The following NPFFR2 variants were observed in gnomAD, a reference collection of about 807,000 sequenced individuals.
NPFFR2 encodes G-protein coupled receptor 74.
A neutral mutation model predicts 13.1 loss-of-function variants in NPFFR2; 15 were observed. The ratio of observed to expected loss-of-function variants is 1.15; its 90% CI spans 0.77 to 1.76. NPFFR2 has a LOEUF of 1.76. NPFFR2 is among the 40% of genes most tolerant of loss of function. NPFFR2 has a pLI of 0.00. For missense variants in NPFFR2, 572 were observed against 503.5 expected, an observed-to-expected ratio of 1.14 and a Z score of -1.30; for synonymous variants, 190 against 175.7, an observed-to-expected ratio of 1.08 and a Z score of -0.65.
In NPFFR2 at chr4:72,147,444, T is replaced by G. The variant is rs1264491828; in HGVS notation, c.895T>G (p.Tyr299Asp). Residue 299 changes from tyrosine to aspartate, a missense_variant, in exon 4 of 4, where the codon TAC becomes GAC. Coordinates refer to ENST00000308744, the MANE Select transcript of NPFFR2 (RefSeq NM_004885.3). ...PLWTLMMLSD[Y>D]ADLSPNELQI... ...GTGGACTCTAATGATGCTCTCAGAC[T>G]ACGCTGACCTTTCTCCAAATGAACT... is the stretch of plus-strand genomic sequence containing the variant. 6.2e-7 allele frequency: 1 copy of G among 1,614,204 alleles called. No homozygotes were observed. The highest frequency in any genetic ancestry group is 1.7e-5 in the Admixed American group (1 of 60,024).
chr4:72,127,544 T>C, intron 1 of NPFFR2, among the ~76,000 whole-genome samples: 1 of 141,744 alleles, frequency 7.1e-6, no homozygotes. Flanking sequence ...TTTGTATTTT[T>C]AGTAGAGACG....
intron 1 of NPFFR2, among the ~76,000 whole-genome samples, chr4:72,063,023 A>T (rs1719965178): frequency 6.6e-6 from 1 of 152,228 alleles, no homozygotes; most frequent in Non-Finnish European, 1.5e-5. Context: ...AGGTAACTGT[A>T]CATACACAGT....
intron 1 of NPFFR2, among the ~76,000 whole-genome samples, chr4:72,037,403 G>GAA: frequency 1.5e-5 from 2 of 130,194 alleles, no homozygotes; most frequent in South Asian, 4.9e-4. Flanking sequence ...GATCTTGTTT[G>GAA]AAAAAAAAAA....
chr4:72,066,891 G>T (rs1720087254), intron 1 of NPFFR2, among the ~76,000 whole-genome samples: 1 of 152,150 alleles, frequency 6.6e-6, no homozygotes, highest in African/African-American at 2.4e-5. Context: ...CTCCCAGACT[G>T]GCATTCCGCA....
chr4:72,134,616 TTTCA>T (rs2109840244), intron 2 of NPFFR2, among the ~76,000 whole-genome samples: 1 of 152,304 alleles, frequency 6.6e-6, no homozygotes, highest in Admixed American at 6.5e-5. Context: ...ATAAAATGTT[TTTCA>T]TTTTCCTAGA....
chr4:72,040,845 T>C (rs938588855), intron 1 of NPFFR2, among the ~76,000 whole-genome samples: 1 of 151,490 alleles, frequency 6.6e-6, no homozygotes, highest in Non-Finnish European at 1.5e-5. Context: ...TAGGGTTTTA[T>C]TTTTTATGTC....
At chr4:72,127,456 C>T (rs1200288592) in intron 1 of NPFFR2, among the ~76,000 whole-genome samples, 9 of 136,776 alleles carry the variant, frequency 6.6e-5, no homozygotes, top group Non-Finnish European at 1.1e-4. Flanking sequence ...CTCCGCCTCC[C>T]GGGTTCACGC....
chr4:72,144,836 T>G (rs1311235536), intron 3 of NPFFR2, among the ~76,000 whole-genome samples: 1 of 152,246 alleles, frequency 6.6e-6, no homozygotes, highest in African/African-American at 2.4e-5. Flanking sequence ...CTCCAAATTC[T>G]ATTATTTCTG....
chr4:72,089,904 GT>G (rs1241426227), intron 1 of NPFFR2, among the ~76,000 whole-genome samples: 1 of 152,052 alleles, frequency 6.6e-6, no homozygotes, highest in African/African-American at 2.4e-5. Context: ...ATAAGCCAAG[GT>G]CTAGAAGGGT....
At chr4:72,066,075 TC>T (rs1235420206) in intron 1 of NPFFR2, among the ~76,000 whole-genome samples, 2 of 152,190 alleles carry the variant, frequency 1.3e-5, no homozygotes, top group Non-Finnish European at 2.9e-5. Context: ...TTCCCATAGT[TC>T]CGGAGCTTTG....
At chr4:72,127,571 G>T in intron 1 of NPFFR2, among the ~76,000 whole-genome samples, 1 of 148,084 alleles carries the variant, frequency 6.8e-6, no homozygotes, top group African/African-American at 2.5e-5. Flanking sequence ...CACCGTGTTA[G>T]CCAGGATGGT....
At chr4:72,053,570 T>TA (rs999790677) in intron 1 of NPFFR2, among the ~76,000 whole-genome samples, 40 of 152,050 alleles carry the variant, frequency 2.6e-4, no homozygotes, top group African/African-American at 9.2e-4. Context: ...TCAAGTACTT[T>TA]AAAAAAATTT....
intron 1 of NPFFR2, among the ~76,000 whole-genome samples, chr4:72,044,640 T>C (rs1212408679): frequency 6.6e-6 from 1 of 151,832 alleles, no homozygotes; most frequent in Non-Finnish European, 1.5e-5. Flanking sequence ...ATTTTCCTGA[T>C]AATCAGTGAT....
At chr4:72,076,008 G>C (rs200149273) in intron 1 of NPFFR2, among the ~76,000 whole-genome samples, 722 of 7,670 alleles carry the variant, frequency 0.094, 11 homozygotes, top group African/African-American at 0.17. Context: ...CACACACACA[G>C]AGAGAGAGAG....
Position 72,100,401 on chromosome 4 carries a change from T to C in NPFFR2, c.-7-28184T>C, listed in dbSNP as rs546363295. 9.2e-5 allele frequency among the ~76,000 whole-genome samples: 14 copies of C among 152,246 alleles called. No individual in the cohort carries two copies. In the South Asian group the frequency reaches 2.9e-3, roughly 32 times the overall value. On this transcript the variant is annotated intron_variant, in intron 1 of 3. Transcript: ENST00000308744. Reference sequence around the variant, plus strand: ...ACTTTCAGTCTTTTTATTTATAAAATAGGTGTTACAGTACCTGAATTTCAG... The same window carrying C: ...ACTTTCAGTCTTTTTATTTATAAAACAGGTGTTACAGTACCTGAATTTCAG...
chr4:72,085,194 A>G (rs933474889), intron 1 of NPFFR2, among the ~76,000 whole-genome samples: 1 of 152,154 alleles, frequency 6.6e-6, no homozygotes, highest in African/African-American at 2.4e-5. Context: ...TTCAGCCCAT[A>G]TTAGTTTTTT....
chr4:72,036,733 G>C (rs566442025), intron 1 of NPFFR2, among the ~76,000 whole-genome samples: 7 of 151,726 alleles, frequency 4.6e-5, no homozygotes, highest in Non-Finnish European at 5.9e-5. Flanking sequence ...AGAATCTTAA[G>C]TGTTGTCTTG....
intron 1 of NPFFR2, among the ~76,000 whole-genome samples, chr4:72,040,530 G>A (rs1001147736): frequency 7.9e-5 from 12 of 152,100 alleles, no homozygotes; most frequent in African/African-American, 2.9e-4. Flanking sequence ...GATTATATTT[G>A]CCATAGATTA....
intron 1 of NPFFR2, among the ~76,000 whole-genome samples, chr4:72,056,518 A>C (rs1472769451): frequency 6.6e-6 from 1 of 152,040 alleles, no homozygotes; most frequent in Non-Finnish European, 1.5e-5. Flanking sequence ...TACAACATAC[A>C]TTCTTTAGTC....
Sources: allele counts gnomAD v4.1 joint callset (sites outside exome capture counted in the v4.1 genomes callset), GRCh38; gene constraint gnomAD v4.1.1; transcripts MANE v1.5; gene names NCBI Gene and HGNC (gene_info 2026-07-23, HGNC 2026-07-21).